The following PRDM16 variants were observed in gnomAD, a reference collection of about 807,000 sequenced individuals.
PRDM16 encodes PR/SET domain 16.
PRDM16 carries 23 observed loss-of-function variants against 110.6 expected under a neutral mutation model. The observed-to-expected ratio is 0.21, with a 90% CI of 0.15 to 0.29. PRDM16 has a LOEUF of 0.29. PRDM16 is among the 10% of genes least tolerant of loss of function. The pLI, the probability that PRDM16 is intolerant of heterozygous loss-of-function variation, is 1.00. For missense variants in PRDM16, 1,615 were observed against 1,794.3 expected (o/e 0.90, Z 1.81); for synonymous variants, 799 against 781.8 (o/e 1.02, Z -0.37).
intron 2 of PRDM16, among the ~76,000 whole-genome samples, chr1:3,229,949 A>G (rs544595462): frequency 9.2e-5 from 14 of 152,224 alleles, no homozygotes; most frequent in Non-Finnish European, 1.9e-4. Context: ...ATAAAGCTGC[A>G]GCTCCGTGCA....
chr1:3,070,370 G>T (rs1259013423), intron 1 of PRDM16, among the ~76,000 whole-genome samples: 1 of 147,684 alleles, frequency 6.8e-6, no homozygotes, highest in Non-Finnish European at 1.5e-5. Flanking sequence ...CCCGGTCGCC[G>T]GCGCCATCCG....
intron 1 of PRDM16, among the ~76,000 whole-genome samples, chr1:3,112,563 G>A (rs557695994): frequency 1.3e-5 from 2 of 152,320 alleles, no homozygotes; most frequent in South Asian, 2.1e-4. Context: ...ATTGATGTTT[G>A]CTGCCCTGAC....
chr1:3,352,685 G>T, intron 3 of PRDM16, among the ~76,000 whole-genome samples: 1 of 152,234 alleles, frequency 6.6e-6, no homozygotes, highest in East Asian at 1.9e-4. Flanking sequence ...ATCACTGTCA[G>T]GCCGTTCAGG....
chr1:3,430,605 G>A (rs369789726), intron 14 of PRDM16, among the ~76,000 whole-genome samples: 16 of 152,278 alleles, frequency 1.1e-4, no homozygotes, highest in Admixed American at 6.5e-4. Context: ...GTGTCCTCCC[G>A]GCCATAGCAG....
chr1:3,426,375 C>G, intron 14 of PRDM16, 150 bp downstream of exon 14: 3 of 585,706 alleles, frequency 5.1e-6, no homozygotes, highest in Non-Finnish European at 5.7e-6. Flanking sequence ...GGGTGAGGCC[C>G]CTGGGCTCTG....
chr1:3,082,225 G>A (rs1322350710), intron 1 of PRDM16, among the ~76,000 whole-genome samples: 1 of 152,192 alleles, frequency 6.6e-6, no homozygotes, highest in African/African-American at 2.4e-5. Flanking sequence ...TCTGCAGTCA[G>A]GTCCTGTGCA....
At chr1:3,303,537 T>A (rs6673393) in intron 3 of PRDM16, among the ~76,000 whole-genome samples, 1 of 152,038 alleles carries the variant, frequency 6.6e-6, no homozygotes, top group African/African-American at 2.4e-5. Context: ...CCAAGACAAG[T>A]GTTTGTGTCG....
At chr1:3,240,839 C>T (rs1039355598) in intron 2 of PRDM16, among the ~76,000 whole-genome samples, 38 of 152,392 alleles carry the variant, frequency 2.5e-4, no homozygotes, top group African/African-American at 7.5e-4. Flanking sequence ...ACCAACCCCA[C>T]TTAGCTAAAT....
At chr1:3,103,185 C>T (rs535632449) in intron 1 of PRDM16, among the ~76,000 whole-genome samples, 4 of 152,314 alleles carry the variant, frequency 2.6e-5, no homozygotes, top group Admixed American at 6.5e-5. Flanking sequence ...CCAAGTACCT[C>T]GGACCACAGA....
Position 3,070,522 on chromosome 1 carries a change from C to A in PRDM16, c.37+1226C>A, listed in dbSNP as rs1466481599. Among the ~76,000 whole-genome samples, 5 of 150,390 alleles carry A rather than the reference C, an allele frequency of 3.3e-5. No individual in the cohort carries two copies. The South Asian group carries it at 1.0e-3, about 31-fold the overall frequency. On this transcript the variant is annotated intron_variant, in intron 1 of 16. Coordinates refer to ENST00000270722, the MANE Select transcript of PRDM16 (RefSeq NM_022114.4). Reference sequence around the variant, plus strand: ...TCGGCGCCGCCTGCTCCCGCCGCCCCCTCCTCTGCAGGCCGCCCGCCCGCC... The same window carrying A: ...TCGGCGCCGCCTGCTCCCGCCGCCCACTCCTCTGCAGGCCGCCCGCCCGCC...
chr1:3,084,765 T>C (rs1241334780), intron 1 of PRDM16, among the ~76,000 whole-genome samples: 1 of 152,128 alleles, frequency 6.6e-6, no homozygotes, highest in African/African-American at 2.4e-5. Context: ...CATCTTCCCT[T>C]CCAGCCTCAC....
chr1:3,360,776 C>T (rs1025374403), intron 3 of PRDM16, among the ~76,000 whole-genome samples: 8 of 152,216 alleles, frequency 5.3e-5, no homozygotes, highest in Admixed American at 2.0e-4. Flanking sequence ...GCCACAGCGC[C>T]CGCAGATGAC....
At chr1:3,154,944 A>G (rs1643835681) in intron 1 of PRDM16, among the ~76,000 whole-genome samples, 2 of 152,210 alleles carry the variant, frequency 1.3e-5, no homozygotes, top group Non-Finnish European at 2.9e-5. Context: ...ATGTGGGTGA[A>G]TGGAGATTTT....
chr1:3,101,879 G>T (rs773375216), intron 1 of PRDM16, among the ~76,000 whole-genome samples: 9 of 152,334 alleles, frequency 5.9e-5, no homozygotes, highest in Non-Finnish European at 8.8e-5. Flanking sequence ...GAGACCCCCA[G>T]TCCCAGCTGG....
intron 3 of PRDM16, among the ~76,000 whole-genome samples, chr1:3,337,207 C>G (rs1642178801): frequency 6.6e-6 from 1 of 151,518 alleles, no homozygotes; most frequent in Admixed American, 6.6e-5. Flanking sequence ...GTGTGAGTCT[C>G]TGTGTGTGAA....
At chr1:3,198,014 C>T (rs1279420443) in intron 2 of PRDM16, among the ~76,000 whole-genome samples, 2 of 152,210 alleles carry the variant, frequency 1.3e-5, no homozygotes, top group East Asian at 3.9e-4. Context: ...CAGGGTGCTA[C>T]GGGCCACCTT....
intron 1 of PRDM16, among the ~76,000 whole-genome samples, chr1:3,129,928 C>G (rs950230381): frequency 4.6e-5 from 7 of 152,308 alleles, no homozygotes; most frequent in South Asian, 2.1e-4. Context: ...AGGGCCCCAG[C>G]AGGGTCTCAG....
chr1:3,173,804 G>A (rs369840564), intron 1 of PRDM16, among the ~76,000 whole-genome samples: 2 of 152,212 alleles, frequency 1.3e-5, no homozygotes, highest in Admixed American at 6.5e-5. Context: ...TCAGCAATGC[G>A]GTTCCTCTGG....
At position 3,180,956 on chromosome 1, in the gene PRDM16, AGTCTTACACACTCG is replaced by A. The variant is rs1457950152; in HGVS notation, c.38-5157_38-5144del. ...GCCACACACGCAGCCTTACACACGC[AGTCTTACACACTCG>A]GTCTTACACACGCAGTCTTACACAC... On this transcript the variant is annotated intron_variant, in intron 1 of 16. Coordinates refer to ENST00000270722, the MANE Select transcript of PRDM16 (RefSeq NM_022114.4). Among the ~76,000 whole-genome samples, 324 of 138,460 alleles carry A rather than the reference AGTCTTACACACTCG, an allele frequency of 2.3e-3. 3 individuals are homozygous for A. The highest frequency in any genetic ancestry group is 7.6e-3 in the South Asian group (30 of 3,958). 90.8% of individuals were successfully genotyped at this position (138,460 alleles called of 152,430 possible). A position where few individuals can be genotyped will look rare whatever the true frequency, so the allele number is the denominator to read the frequency against.
Sources: allele counts gnomAD v4.1 joint callset (sites outside exome capture counted in the v4.1 genomes callset), GRCh38; gene constraint gnomAD v4.1.1; transcripts MANE v1.5; gene names NCBI Gene and HGNC (gene_info 2026-07-23, HGNC 2026-07-21).